The following CADPS variants were observed in gnomAD, a reference collection of about 807,000 sequenced individuals.
CADPS encodes the protein calcium-dependent secretion activator 1.
Under a neutral mutation model 167.3 loss-of-function variants are expected in CADPS, and 57 were observed. That is an observed-to-expected ratio of 0.34 (90% CI 0.28 to 0.42). The LOEUF is 0.42. Among genes scored for constraint, CADPS ranks in the 20% least tolerant of loss-of-function variants. CADPS has a pLI of 1.00. For synonymous variants in CADPS, 676 were observed against 635.3 expected, an observed-to-expected ratio of 1.06 and a Z score of -0.96; for missense variants, 1,414 against 1,738.1, an observed-to-expected ratio of 0.81 and a Z score of 3.32.
chr3:62,568,431 T>C (rs74673276), intron 9 of CADPS, among the ~76,000 whole-genome samples: 125 of 152,354 alleles, frequency 8.2e-4, no homozygotes, highest in Non-Finnish European at 1.1e-3. Flanking sequence ...TGCCGAGTCT[T>C]CAGGCTTTCG....
intron 28 of CADPS, among the ~76,000 whole-genome samples, chr3:62,406,389 TGCA>T (rs1477048342): frequency 6.6e-6 from 1 of 152,194 alleles, no homozygotes; most frequent in Non-Finnish European, 1.5e-5. Flanking sequence ...TGGATGGGAA[TGCA>T]GCAGATTTGT....
intron 13 of CADPS, chr3:62,530,753 T>C: frequency 7.8e-7 from 1 of 1,288,880 alleles, no homozygotes; most frequent in Non-Finnish European, 1.0e-6. Context: ...GGAGGGAGTT[T>C]TGCTCCCTTC....
chr3:62,803,248 T>G (rs1005097095), intron 1 of CADPS, among the ~76,000 whole-genome samples: 7 of 152,096 alleles, frequency 4.6e-5, no homozygotes, highest in African/African-American at 1.7e-4. Context: ...CGAATGATCC[T>G]TGAAAACACA....
intron 1 of CADPS, among the ~76,000 whole-genome samples, chr3:62,873,993 G>C (rs2083153161): frequency 6.6e-6 from 1 of 152,232 alleles, no homozygotes; most frequent in Non-Finnish European, 1.5e-5. Flanking sequence ...CGGGCAGGGA[G>C]AGGAGGGTGC....
intron 6 of CADPS, among the ~76,000 whole-genome samples, chr3:62,604,006 A>T (rs1257589409): frequency 1.2e-3 from 163 of 139,792 alleles, no homozygotes; most frequent in Non-Finnish European, 2.0e-3. Flanking sequence ...TTTTTTTTTT[A>T]TTTTTAGTGG....
At chr3:62,524,677 G>A (rs2151850641) in intron 13 of CADPS, among the ~76,000 whole-genome samples, 1 of 152,282 alleles carries the variant, frequency 6.6e-6, no homozygotes, top group Admixed American at 6.5e-5. Flanking sequence ...AAGGATGAAA[G>A]TCGTGGAGAA....
At chr3:62,867,494 A>G (rs1267753150) in intron 1 of CADPS, among the ~76,000 whole-genome samples, 1 of 152,096 alleles carries the variant, frequency 6.6e-6, no homozygotes, top group African/African-American at 2.4e-5. Flanking sequence ...TGTTCAAAGA[A>G]ATACAAGTGA....
At chr3:62,547,696 T>C (rs181464788) in intron 11 of CADPS, among the ~76,000 whole-genome samples, 1 of 151,238 alleles carries the variant, frequency 6.6e-6, no homozygotes, top group African/African-American at 2.4e-5. Context: ...CTGTGTGTAT[T>C]CAATTGAGTC....
At chr3:62,566,919 C>T (rs1298371867) in intron 9 of CADPS, among the ~76,000 whole-genome samples, 2 of 152,132 alleles carry the variant, frequency 1.3e-5, no homozygotes, top group Non-Finnish European at 2.9e-5. Context: ...TTTTCTCCTG[C>T]CTTTCTAGGA....
intron 1 of CADPS, among the ~76,000 whole-genome samples, chr3:62,842,544 C>T (rs532402947): frequency 1.5e-4 from 23 of 152,182 alleles, no homozygotes; most frequent in Non-Finnish European, 3.1e-4. Context: ...TTAACAATAA[C>T]GATAATCAAA....
chr3:62,645,521 A>G (rs570982968), intron 6 of CADPS, among the ~76,000 whole-genome samples: 55 of 152,352 alleles, frequency 3.6e-4, no homozygotes, highest in Middle Eastern at 3.4e-3. Flanking sequence ...AATTTTCTTC[A>G]GTTCTCTGCT....
chr3:62,822,214 C>T (rs1265939368), intron 1 of CADPS, among the ~76,000 whole-genome samples: 8 of 152,202 alleles, frequency 5.3e-5, no homozygotes, highest in Admixed American at 3.9e-4. Context: ...GTTCTACTCA[C>T]ACACAAAGCA....
At chr3:62,510,490 T>G (rs1052411056) in intron 17 of CADPS, among the ~76,000 whole-genome samples, 1 of 152,152 alleles carries the variant, frequency 6.6e-6, no homozygotes, top group African/African-American at 2.4e-5. Flanking sequence ...TTTAAAATAA[T>G]AGAATTCATT....
chr3:62,499,662 A>G (rs1014122107), intron 17 of CADPS: 1 of 154,262 alleles, frequency 6.5e-6, no homozygotes, highest in Non-Finnish European at 1.4e-5. Flanking sequence ...TTGCTGTTAC[A>G]TTTGTTTTTT....
At chr3:62,737,954 A>G (rs2079346367) in intron 3 of CADPS, among the ~76,000 whole-genome samples, 1 of 152,030 alleles carries the variant, frequency 6.6e-6, no homozygotes, top group Non-Finnish European at 1.5e-5. Flanking sequence ...ATGACATAAT[A>G]TACTTTTTTT....
chr3:62,712,031 A>G (rs2083490410), intron 3 of CADPS, among the ~76,000 whole-genome samples: 1 of 152,146 alleles, frequency 6.6e-6, no homozygotes, highest in Non-Finnish European at 1.5e-5. Flanking sequence ...ACATCTTTCT[A>G]TTTCAGGAGA....
intron 3 of CADPS, among the ~76,000 whole-genome samples, chr3:62,708,408 A>G (rs1273369452): frequency 6.6e-6 from 1 of 152,030 alleles, no homozygotes; most frequent in East Asian, 1.9e-4. Flanking sequence ...GTATATGCAA[A>G]CCCTTAATTT....
At chr3:62,407,455 C>G (rs556809477) in intron 28 of CADPS, among the ~76,000 whole-genome samples, 204 of 152,302 alleles carry the variant, frequency 1.3e-3, no homozygotes, top group Admixed American at 2.4e-3. Flanking sequence ...GATTCAGACA[C>G]AGAATGAGTG....
intron 1 of CADPS, among the ~76,000 whole-genome samples, chr3:62,825,894 T>C (rs1376307517): frequency 1.3e-5 from 2 of 152,148 alleles, no homozygotes; most frequent in African/African-American, 4.8e-5. Flanking sequence ...AATCACACAC[T>C]TGAGCTGGGA....
Sources: gnomAD v4.1 joint callset for allele counts (sites outside exome capture counted in the v4.1 genomes callset) on GRCh38, gnomAD v4.1.1 for gene constraint, MANE v1.5 for transcripts, NCBI Gene and HGNC (gene_info 2026-07-23, HGNC 2026-07-21) for gene names.